The following IRAG1 variants were observed in gnomAD, a reference collection of about 807,000 sequenced individuals.
IRAG1 encodes IP3R-associated cGMP kinase substrate.
In IRAG1, 62 loss-of-function variants were observed where a neutral mutation model predicts 106.2. That is an observed-to-expected ratio of 0.58 (90% CI 0.48 to 0.72). IRAG1 has a LOEUF of 0.72. Among genes scored for constraint, IRAG1 ranks in the 30% least tolerant of loss-of-function variants. IRAG1 has a pLI of 0.00. For missense variants in IRAG1, 1,064 were observed against 1,140.7 expected (o/e 0.93, Z 0.97); for synonymous variants, 462 against 443.9 (o/e 1.04, Z -0.51).
intron 10 of IRAG1, among the ~76,000 whole-genome samples, chr11:10,620,279 G>A (rs373069592): frequency 3.3e-5 from 5 of 151,982 alleles, no homozygotes; most frequent in African/African-American, 9.7e-5. Context: ...AGGCAAACAT[G>A]ATTATGTAAA....
chr11:10,692,651 C>G (rs891016924), intron 1 of IRAG1, among the ~76,000 whole-genome samples: 7 of 152,354 alleles, frequency 4.6e-5, no homozygotes, highest in Non-Finnish European at 1.0e-4. Flanking sequence ...CTGTGCCACC[C>G]CAGTGAGCAG....
chr11:10,633,126 G>C (rs544658940), intron 3 of IRAG1, among the ~76,000 whole-genome samples: 41 of 143,758 alleles, frequency 2.9e-4, no homozygotes, highest in East Asian at 1.4e-3. Context: ...CCAGGCTGGA[G>C]TGCAGTGGCG....
At chr11:10,582,097 T>C in intron 18 of IRAG1, 111 bp from the exon 19 acceptor site, 2 of 1,277,326 alleles carry the variant, frequency 1.6e-6, no homozygotes, top group Non-Finnish European at 2.1e-6. Flanking sequence ...ACTCAGGCTT[T>C]TTCAGTAACT....
At chr11:10,606,355 C>T (rs1356580873) in intron 12 of IRAG1, among the ~76,000 whole-genome samples, 1 of 152,220 alleles carries the variant, frequency 6.6e-6, no homozygotes, top group Non-Finnish European at 1.5e-5. Context: ...GGCCAGCCCC[C>T]TTTCCCACTA....
intron 10 of IRAG1, among the ~76,000 whole-genome samples, chr11:10,618,787 G>C (rs564226837): frequency 1.1e-4 from 16 of 152,344 alleles, no homozygotes; most frequent in African/African-American, 3.8e-4. Context: ...TGTGGCCCTA[G>C]AATATGCTGG....
intron 1 of IRAG1, chr11:10,658,382 A>G (rs1188869004): frequency 6.6e-6 from 1 of 152,290 alleles, no homozygotes; most frequent in Non-Finnish European, 1.5e-5. Context: ...AATAGCACCC[A>G]CCTTTTAGCG....
At chr11:10,643,109 A>G (rs1009599378) in intron 2 of IRAG1, among the ~76,000 whole-genome samples, 10 of 136,742 alleles carry the variant, frequency 7.3e-5, no homozygotes, top group Non-Finnish European at 1.4e-4. Context: ...CAGGAGGCGG[A>G]GCTTACAGTG....
chr11:10,644,515 C>A (rs1857786848), intron 2 of IRAG1, among the ~76,000 whole-genome samples: 1 of 152,158 alleles, frequency 6.6e-6, no homozygotes, highest in Non-Finnish European at 1.5e-5. Context: ...TTCCTGGTTT[C>A]TGGTGAGTAT....
intron 2 of IRAG1, among the ~76,000 whole-genome samples, chr11:10,639,900 C>T (rs900378030): frequency 1.3e-5 from 2 of 152,154 alleles, no homozygotes; most frequent in African/African-American, 4.8e-5. Flanking sequence ...TGTGAACACT[C>T]CCACATTATT....
intron 1 of IRAG1, chr11:10,658,397 T>C (rs1042772221): frequency 3.3e-5 from 5 of 152,344 alleles, no homozygotes; most frequent in African/African-American, 1.2e-4. Context: ...TTAGCGTTGT[T>C]GTAACGATTA....
chr11:10,632,481 C>G (rs1303514942), intron 3 of IRAG1, among the ~76,000 whole-genome samples: 1 of 152,112 alleles, frequency 6.6e-6, no homozygotes, highest in Non-Finnish European at 1.5e-5. Context: ...CCACTGTGCC[C>G]AGCCAGATGC....
chr11:10,692,157 C>G lies in IRAG1; in HGVS notation c.67+1379G>C, dbSNP rs116366784. Among the ~76,000 whole-genome samples, 998 of 151,876 alleles carry G rather than the reference C, an allele frequency of 6.6e-3. 7 individuals are homozygous for G. Among genetic ancestry groups the G allele is most frequent in the African/African-American group, 0.02 (828 of 41,364 alleles). Reference sequence around the variant, plus strand: ...CCTCCAAGCATAAAGATAGGTGCATCCGCTGTGAATATAAACAGCCACCCA... The same window carrying G: ...CCTCCAAGCATAAAGATAGGTGCATGCGCTGTGAATATAAACAGCCACCCA... On this transcript the variant is annotated intron_variant, in intron 1 of 20. Coordinates refer to ENST00000423302, the MANE Select transcript of IRAG1 (RefSeq NM_130385.4).
intron 2 of IRAG1, among the ~76,000 whole-genome samples, chr11:10,646,276 G>A (rs1857935433): frequency 6.6e-6 from 1 of 152,140 alleles, no homozygotes; most frequent in Non-Finnish European, 1.5e-5. Flanking sequence ...TTGGGAGTGT[G>A]GAAAAACACA....
chr11:10,681,802 T>G (rs1314569782), intron 1 of IRAG1, among the ~76,000 whole-genome samples: 2 of 152,260 alleles, frequency 1.3e-5, no homozygotes, highest in African/African-American at 2.4e-5. Flanking sequence ...GTTTCATTCA[T>G]GCATGCATTT....
chr11:10,578,462 A>G lies in IRAG1; in HGVS notation c.2496-1887T>C, dbSNP rs371089450. Among the ~76,000 whole-genome samples, 5 of 152,384 alleles carry G rather than the reference A, an allele frequency of 3.3e-5. No individual in the cohort carries two copies. The East Asian group carries it at 5.8e-4, about 18-fold the overall frequency. Reference sequence around the variant, plus strand: ...AATATTTGTAACATAATTGTTATATATAACAGATACGTGACTCAGACAAAA... The same window carrying G: ...AATATTTGTAACATAATTGTTATATGTAACAGATACGTGACTCAGACAAAA... On this transcript the variant is annotated intron_variant, in intron 20 of 20. Coordinates refer to ENST00000423302, the MANE Select transcript of IRAG1 (RefSeq NM_130385.4).
chr11:10,671,805 A>G (rs980866209), intron 1 of IRAG1, among the ~76,000 whole-genome samples: 1 of 152,214 alleles, frequency 6.6e-6, no homozygotes, highest in African/African-American at 2.4e-5. Context: ...TCTGAGAGAT[A>G]TGAAATATAT....
At position 10,606,786 on chromosome 11, in the gene IRAG1, AAC is replaced by A; in HGVS notation, c.1572-16_1572-15del. 6.3e-7 allele frequency: 1 copy of A among 1,578,574 alleles called. No individual in the cohort carries two copies. Among genetic ancestry groups the A allele is most frequent in the Non-Finnish European group, 8.6e-7 (1 of 1,160,882 alleles). ...AGTGGAGGGGCACTGTGAAAAAGAA[AAC>A]ACACAATTGAACTGTGTGCAACCTA... On this transcript the variant is annotated splice_polypyrimidine_tract_variant and intron_variant, in intron 11 of 20. Transcript: ENST00000423302.
Position 10,576,102 on chromosome 11 carries a change from C to T in IRAG1, c.*230G>A, listed in dbSNP as rs1481643250. On this transcript the variant is annotated 3_prime_UTR_variant, in exon 21 of 21. Coordinates refer to ENST00000423302, the MANE Select transcript of IRAG1 (RefSeq NM_130385.4). ...CAATAGAGTTCCTTGGTGAAGGTGA[C>T]TTCTTCATCCACTGGATGCTTTCCC... 3 of 556,370 alleles carry T rather than the reference C, an allele frequency of 5.4e-6. No individual in the cohort carries two copies. Among genetic ancestry groups the T allele is most frequent in the Non-Finnish European group, 9.5e-6 (3 of 314,448 alleles). 34.5% of individuals were successfully genotyped at this position (556,370 alleles called of 1,614,324 possible). A position where few individuals can be genotyped will look rare whatever the true frequency, so the allele number is the denominator to read the frequency against.
chr11:10,580,392 A>T (rs576408218), intron 20 of IRAG1, 63 bp downstream of exon 20: 4 of 1,571,838 alleles, frequency 2.5e-6, no homozygotes, highest in Non-Finnish European at 3.4e-6. Flanking sequence ...TTGTGCATTT[A>T]AATTAGATGA....
Sources: allele counts gnomAD v4.1 joint callset (sites outside exome capture counted in the v4.1 genomes callset), GRCh38; gene constraint gnomAD v4.1.1; transcripts MANE v1.5; gene names NCBI Gene and HGNC (gene_info 2026-07-23, HGNC 2026-07-21).